The following DNMT3B variants were observed in gnomAD, a reference collection of about 807,000 sequenced individuals.
The protein encoded by DNMT3B is DNA (cytosine-5)-methyltransferase 3B.
A neutral mutation model predicts 120.2 loss-of-function variants in DNMT3B; 37 were observed. That is an observed-to-expected ratio of 0.31 (90% CI 0.24 to 0.40). The LOEUF is 0.40. DNMT3B is among the 10% of genes least tolerant of loss of function. The probability of loss-of-function intolerance (pLI) is 1.00; values close to 1 mark genes in which losing one functional copy is unlikely to be tolerated. For synonymous variants in DNMT3B, 412 were observed against 442.8 expected, an observed-to-expected ratio of 0.93 and a Z score of 0.87; for missense variants, 878 against 1,137.3, an observed-to-expected ratio of 0.77 and a Z score of 3.28.
Position 32,787,557 on chromosome 20 carries a change from G to A in DNMT3B, c.654+106G>A. ...AACAGAGCGACAACAGTTGTTAGAA[G>A]TTTCGTAATTGTAATAATTGACATG... On this transcript the variant is annotated intron_variant, in intron 6 of 22. Transcript: ENST00000328111. 3.9e-6 allele frequency: 5 copies of A among 1,273,142 alleles called. No individual in the cohort carries two copies. In the South Asian group the frequency reaches 6.4e-5, roughly 16 times the overall value. The allele number at this position is 1,273,142 out of a possible 1,614,324, so 78.9% of individuals were successfully genotyped here.
rs1980133610 is a variant in DNMT3B at position 32,792,780 on chromosome 20, A to G, written c.1066+10A>G. 6.2e-7 allele frequency: 1 copy of G among 1,613,818 alleles called. No individual in the cohort carries two copies. Among genetic ancestry groups the G allele is most frequent in the Admixed American group, 1.7e-5 (1 of 59,998 alleles). Reference sequence around the variant, plus strand: ...AACAACACGCAACCAGGTGGGAATGAGTCCCCATGGCAGCACCCGCTGCCT... The same window carrying G: ...AACAACACGCAACCAGGTGGGAATGGGTCCCCATGGCAGCACCCGCTGCCT... On this transcript the variant is annotated intron_variant, in intron 9 of 22. Transcript: ENST00000328111.
chr20:32,800,265 C>A lies in DNMT3B; in HGVS notation c.1872C>A (p.Tyr624Ter), dbSNP rs143711646. Residue 624 changes from tyrosine (Y) to a stop codon, truncating the protein, a stop_gained, in exon 17 of 23, where the codon TAC (tyrosine) becomes TAA (stop). Transcript: ENST00000328111. LOFTEE classifies it high-confidence loss of function. ...GTVKHEGNIK[Y>*]VNDVRNITKK... ...TGAAGCACGAGGGGAATATCAAATA[C>A]GTGAACGACGTGAGGAACATCACAA... The A allele has an allele frequency of 1.9e-6, 3 of 1,614,044 alleles. No individual in the cohort carries two copies. Among genetic ancestry groups the A allele is most frequent in the Non-Finnish European group, 8.5e-7 (1 of 1,180,044 alleles).
At chr20:32,777,526 C>A (rs1196466719) in intron 1 of DNMT3B, among the ~76,000 whole-genome samples, 2 of 152,174 alleles carry the variant, frequency 1.3e-5, no homozygotes, top group African/African-American at 4.8e-5. Context: ...TCACTCCAGG[C>A]CTCTGGTCTG....
At chr20:32,804,662 G>A (rs1344001633) in intron 20 of DNMT3B, among the ~76,000 whole-genome samples, 1 of 147,208 alleles carries the variant, frequency 6.8e-6, no homozygotes, top group Non-Finnish European at 1.5e-5. Flanking sequence ...TTTCAAGGGT[G>A]AAAGTTAAAA....
At chr20:32,764,603 G>A (rs565695010) in intron 1 of DNMT3B, among the ~76,000 whole-genome samples, 1 of 152,170 alleles carries the variant, frequency 6.6e-6, no homozygotes. Context: ...CGGAGTCTTG[G>A]TTTTGTTTTA....
chr20:32,790,110 T>A (rs1979793730), intron 7 of DNMT3B, among the ~76,000 whole-genome samples: 1 of 152,188 alleles, frequency 6.6e-6, no homozygotes, highest in South Asian at 2.1e-4. Context: ...TGAGCTACCA[T>A]GGGGCCATTT....
chr20:32,806,422 A>C (rs954193343), intron 22 of DNMT3B, 95 bp downstream of exon 22: 44 of 1,165,690 alleles, frequency 3.8e-5, no homozygotes, highest in East Asian at 2.3e-5. Flanking sequence ...TGATGGCCTC[A>C]CTGCCCTTTG....
chr20:32,794,564 T>G (rs1357402765), intron 10 of DNMT3B, among the ~76,000 whole-genome samples: 2 of 151,750 alleles, frequency 1.3e-5, no homozygotes, highest in African/African-American at 4.8e-5. Flanking sequence ...TGTAACAGGC[T>G]GAGGCAGGAG....
At chr20:32,794,342 C>CAAA (rs140316951) in intron 10 of DNMT3B, among the ~76,000 whole-genome samples, 5 of 79,526 alleles carry the variant, frequency 6.3e-5, no homozygotes, top group African/African-American at 1.0e-4. Flanking sequence ...GAACCTGTCT[C>CAAA]AAAAAAAAAA....
chr20:32,805,033 C>T (rs1981812146), intron 20 of DNMT3B, among the ~76,000 whole-genome samples: 1 of 152,146 alleles, frequency 6.6e-6, no homozygotes, highest in Non-Finnish European at 1.5e-5. Context: ...AGTCAGTGAG[C>T]AGTGTGGAGC....
chr20:32,769,573 A>G (rs535414736), intron 1 of DNMT3B, among the ~76,000 whole-genome samples: 3 of 152,198 alleles, frequency 2.0e-5, no homozygotes, highest in East Asian at 3.9e-4. Flanking sequence ...GTAATTGTGG[A>G]CAGTTTTTGA....
At chr20:32,765,673 G>C (rs906336928) in intron 1 of DNMT3B, among the ~76,000 whole-genome samples, 4 of 150,778 alleles carry the variant, frequency 2.7e-5, no homozygotes, top group African/African-American at 7.3e-5. Context: ...CACCCGCCTC[G>C]GCTTCCCAAA....
At position 32,781,392 on chromosome 20, in the gene DNMT3B, C is replaced by T. The variant is rs752329190; in HGVS notation, c.182C>T (p.Ser61Phe). Residue 61 changes from serine (S) to phenylalanine (F), a missense_variant, in exon 3 of 23, where the codon TCC becomes TTC. By Grantham distance (155) the Ser-to-Phe change is radical. Transcript: ENST00000328111. Reference sequence around the variant, plus strand: ...TCGCGACTCTCCAAGAGGGAGGTGTCCAGTCTGCTAAGCTACACACAGGTA... The same window carrying T: ...TCGCGACTCTCCAAGAGGGAGGTGTTCAGTCTGCTAAGCTACACACAGGTA... ...SSSRLSKREV[S>F]SLLSYTQDLT... 3.1e-6 allele frequency: 5 copies of T among 1,614,184 alleles called. No homozygotes were observed. The East Asian group carries it at 6.7e-5, about 22-fold the overall frequency.
At chr20:32,765,576 A>G (rs1279180686) in intron 1 of DNMT3B, among the ~76,000 whole-genome samples, 1 of 148,198 alleles carries the variant, frequency 6.7e-6, no homozygotes, top group East Asian at 2.0e-4. Context: ...GCACACCACC[A>G]CGCCTGGCTA....
chr20:32,778,956 ATGG>A (rs1029868956), intron 1 of DNMT3B, among the ~76,000 whole-genome samples: 2 of 151,798 alleles, frequency 1.3e-5, no homozygotes, highest in African/African-American at 4.8e-5. Flanking sequence ...GGATGGATGG[ATGG>A]ATGGATGGAT....
intron 2 of DNMT3B, among the ~76,000 whole-genome samples, chr20:32,780,904 C>G (rs1978539869): frequency 1.3e-5 from 2 of 152,222 alleles, no homozygotes; most frequent in South Asian, 4.1e-4. Context: ...TTGGAAAGCC[C>G]TGCATTGTCC....
chr20:32,803,715 T>C (rs1344830509), intron 20 of DNMT3B, among the ~76,000 whole-genome samples: 1 of 152,106 alleles, frequency 6.6e-6, no homozygotes, highest in East Asian at 1.9e-4. Context: ...ATGCAGTTAT[T>C]AGAGTACTCC....
Position 32,762,656 on chromosome 20 carries a change from C to T in DNMT3B, c.-50C>T. On this transcript the variant is annotated 5_prime_UTR_variant, in exon 1 of 23. Coordinates refer to ENST00000328111, the MANE Select transcript of DNMT3B (RefSeq NM_006892.4). The stretch of plus-strand genomic sequence containing the variant: ...GGCCTCCCGCCAGCCAGCCCCGACC[C>T]GCGGCTCCGCCGCCCAGCCGCGCCC... The T allele has an allele frequency of 4.4e-6, 1 of 227,382 alleles. No homozygotes were observed. The highest frequency in any genetic ancestry group is 8.8e-6 in the Non-Finnish European group (1 of 113,302). The allele number at this position is 227,382 out of a possible 1,614,324, so 14.1% of individuals were successfully genotyped here. A position where few individuals can be genotyped will look rare whatever the true frequency, so the allele number is the denominator to read the frequency against.
chr20:32,783,134 C>T (rs940671509), intron 3 of DNMT3B, among the ~76,000 whole-genome samples: 43 of 152,202 alleles, frequency 2.8e-4, no homozygotes, highest in African/African-American at 1.0e-3. Context: ...ACCATGTTGG[C>T]CAGGCTGGTC....
Sources: allele counts gnomAD v4.1 joint callset (sites outside exome capture counted in the v4.1 genomes callset), GRCh38; gene constraint gnomAD v4.1.1; transcripts MANE v1.5; gene names NCBI Gene and HGNC (gene_info 2026-07-23, HGNC 2026-07-21).